PUM2: variants seen among roughly 807,000 people sequenced by gnomAD.
The protein encoded by PUM2 is pumilio RNA binding family member 2.
In PUM2, 57 loss-of-function variants were observed where a neutral mutation model predicts 124.5. The ratio of observed to expected loss-of-function variants is 0.46; its 90% confidence interval spans 0.37 to 0.57. The LOEUF (loss-of-function observed/expected upper bound fraction) is 0.57, where lower values mean the gene tolerates loss of function less well. PUM2 is among the 20% of genes least tolerant of loss of function. PUM2 has a pLI of 0.00. For synonymous variants in PUM2, 460 were observed against 446.1 expected, an observed-to-expected ratio of 1.03 and a Z score of -0.39; for missense variants, 1,065 against 1,290.6, an observed-to-expected ratio of 0.83 and a Z score of 2.68.
At chr2:20,349,485 AG>A (rs2149194420) in intron 1 of PUM2, among the ~76,000 whole-genome samples, 1 of 152,166 alleles carries the variant, frequency 6.6e-6, no homozygotes, top group African/African-American at 2.4e-5. Context: ...AAAGGAGGCT[AG>A]GAAGAGAAAC....
chr2:20,281,347 G>A (rs1393758509), intron 12 of PUM2, among the ~76,000 whole-genome samples: 1 of 152,088 alleles, frequency 6.6e-6, no homozygotes, highest in Non-Finnish European at 1.5e-5. Flanking sequence ...ATTCCTGAAA[G>A]GGGGAAAACA....
At chr2:20,349,390 G>A (rs1688863570) in intron 1 of PUM2, among the ~76,000 whole-genome samples, 1 of 151,904 alleles carries the variant, frequency 6.6e-6, no homozygotes, top group African/African-American at 2.4e-5. Flanking sequence ...ACCAAAAATC[G>A]GAATTTTAAA....
At chr2:20,333,938 C>T (rs2148959270) in intron 1 of PUM2, among the ~76,000 whole-genome samples, 1 of 152,142 alleles carries the variant, frequency 6.6e-6, no homozygotes, top group South Asian at 2.1e-4. Flanking sequence ...TAACACCTTC[C>T]CCTCTCTTCC....
chr2:20,336,138 T>C (rs1239620755), intron 1 of PUM2, among the ~76,000 whole-genome samples: 2 of 152,240 alleles, frequency 1.3e-5, no homozygotes, highest in African/African-American at 2.4e-5. Context: ...GAAATGAAGA[T>C]GACAAGCTTT....
At chr2:20,328,521 G>A (rs1283179029) in intron 1 of PUM2, among the ~76,000 whole-genome samples, 1 of 152,144 alleles carries the variant, frequency 6.6e-6, no homozygotes. Context: ...GACGACCCAG[G>A]TTAGAATTAG....
chr2:20,331,131 G>GAA lies in PUM2; in HGVS notation c.-18-3755_-18-3754dup, dbSNP rs201576911. 4.2e-3 allele frequency among the ~76,000 whole-genome samples: 600 copies of GAA among 143,398 alleles called. 3 individuals carry two copies. Among genetic ancestry groups the GAA allele is most frequent in the South Asian group, 0.024 (109 of 4,492 alleles). 94.1% of individuals were successfully genotyped at this position (143,398 alleles called of 152,430 possible). A position where few individuals can be genotyped will look rare whatever the true frequency, so the allele number is the denominator to read the frequency against. ...TTTGGTTCAGACAACTTGGGGAGAG[G>GAA]AAAAAAAAAAAACCACACGCGTTGT... On this transcript the variant is annotated intron_variant, in intron 1 of 20. Transcript: ENST00000361078.
chr2:20,306,083 TG>T (rs1343046831), intron 7 of PUM2, among the ~76,000 whole-genome samples: 1 of 152,094 alleles, frequency 6.6e-6, no homozygotes, highest in African/African-American at 2.4e-5. Flanking sequence ...CGTGCACCTG[TG>T]GTCCCAGCTA....
intron 7 of PUM2, among the ~76,000 whole-genome samples, chr2:20,302,353 C>T (rs1345424587): frequency 1.3e-5 from 2 of 152,176 alleles, no homozygotes; most frequent in East Asian, 3.8e-4. Context: ...GAAGACTCGC[C>T]AACCTAATAG....
chr2:20,312,442 A>T lies in PUM2; in HGVS notation c.161-19T>A. 1.9e-6 allele frequency: 3 copies of T among 1,588,802 alleles called. No homozygotes were observed. In the South Asian group the frequency reaches 3.4e-5, roughly 18 times the overall value. On this transcript the variant is annotated intron_variant, in intron 3 of 20. Transcript: ENST00000361078. ...GAATGGTCTGTTTGGAAGAAAAAAC[A>T]CAATTATATACTTATACTTTTAAGT...
chr2:20,272,539 T>A (rs76212937), intron 13 of PUM2, among the ~76,000 whole-genome samples: 1 of 152,232 alleles, frequency 6.6e-6, no homozygotes, highest in African/African-American at 2.4e-5. Flanking sequence ...TATTTATTTA[T>A]CCTTGTGCCA....
intron 14 of PUM2, among the ~76,000 whole-genome samples, chr2:20,261,773 T>C (rs547640259): frequency 7.9e-5 from 12 of 152,154 alleles, no homozygotes; most frequent in Non-Finnish European, 1.2e-4. Context: ...AAAAGTCTCA[T>C]AGAATAAGCA....
chr2:20,302,509 C>G (rs546704428), intron 7 of PUM2, among the ~76,000 whole-genome samples: 9 of 152,132 alleles, frequency 5.9e-5, no homozygotes, highest in East Asian at 1.9e-4. Flanking sequence ...ACCGCCCCCC[C>G]AAGTTATTTT....
intron 10 of PUM2, among the ~76,000 whole-genome samples, 190 bp downstream of exon 10, chr2:20,290,435 TATTTACCATTCCTGTCGTTGAGTCTCA>T (rs11271013): frequency 0.81 from 122,220 of 151,546 alleles, 49,438 homozygotes; most frequent in East Asian, 0.94. Flanking sequence ...TTCTGATACA[TATTTACCATTCCTGTCGTTGAGTCTCA>T]ATTTACCATT....
intron 14 of PUM2, among the ~76,000 whole-genome samples, chr2:20,262,559 T>A (rs1437192619): frequency 6.6e-6 from 1 of 152,240 alleles, no homozygotes; most frequent in Non-Finnish European, 1.5e-5. Context: ...CATTAAGTGA[T>A]GCATGACTGT....
At chr2:20,273,827 G>A (rs1219565833) in intron 13 of PUM2, among the ~76,000 whole-genome samples, 1 of 152,084 alleles carries the variant, frequency 6.6e-6, no homozygotes, top group Non-Finnish European at 1.5e-5. Context: ...TAACATATGT[G>A]CTTAGACAAG....
chr2:20,294,745 A>AGGAC (rs1449550584), intron 8 of PUM2, among the ~76,000 whole-genome samples: 1 of 152,228 alleles, frequency 6.6e-6, no homozygotes, highest in East Asian at 1.9e-4. Flanking sequence ...ATAAACTGAT[A>AGGAC]GGACACTTAA....
intron 2 of PUM2, among the ~76,000 whole-genome samples, chr2:20,327,017 GT>G (rs1338632222): frequency 2.6e-5 from 4 of 151,876 alleles, no homozygotes; most frequent in South Asian, 4.2e-4. Flanking sequence ...AGGCTAAAGA[GT>G]TTTTTTCAAG....
intron 7 of PUM2, among the ~76,000 whole-genome samples, chr2:20,304,550 C>A (rs919796109): frequency 2.0e-5 from 3 of 152,202 alleles, no homozygotes; most frequent in Non-Finnish European, 4.4e-5. Context: ...CATCTAATAA[C>A]CATTTTCATG....
At chr2:20,348,166 TTAATAATAA>T (rs563552054) in intron 1 of PUM2, among the ~76,000 whole-genome samples, 3 of 150,104 alleles carry the variant, frequency 2.0e-5, no homozygotes, top group South Asian at 4.2e-4. Flanking sequence ...ATATTAAAAA[TTAATAATAA>T]TAATAATAAT....
Sources: allele counts gnomAD v4.1 joint callset (sites outside exome capture counted in the v4.1 genomes callset), GRCh38; gene constraint gnomAD v4.1.1; transcripts MANE v1.5; gene names NCBI Gene and HGNC (gene_info 2026-07-23, HGNC 2026-07-21).